Variants in PCDH15 observed in about 807,000 individuals in gnomAD.
The protein encoded by PCDH15 is protocadherin related 15.
PCDH15 carries 129 observed loss-of-function variants against 178.5 expected under a neutral mutation model. That is an observed-to-expected ratio of 0.72 (90% CI 0.63 to 0.84). The LOEUF (loss-of-function observed/expected upper bound fraction) is 0.84. PCDH15 is among the 40% of genes least tolerant of loss of function. The pLI, the probability that PCDH15 is intolerant of heterozygous loss-of-function variation, is 0.00. For missense variants in PCDH15, 2,230 were observed against 2,099.9 expected (o/e 1.06, Z -1.21); for synonymous variants, 800 against 732.0 (o/e 1.09, Z -1.50).
intron 2 of PCDH15, among the ~76,000 whole-genome samples, chr10:55,379,322 C>G (rs1452430473): frequency 6.6e-6 from 1 of 151,388 alleles, no homozygotes; most frequent in Admixed American, 6.6e-5. Flanking sequence ...TACTAACAGT[C>G]CAGGAGTGTA....
chr10:54,487,996 A>C (rs561434621), intron 3 of PCDH15, among the ~76,000 whole-genome samples: 1 of 151,938 alleles, frequency 6.6e-6, no homozygotes, highest in Non-Finnish European at 1.5e-5. Context: ...GACTAGTTTG[A>C]TAACCTGGGT....
intron 2 of PCDH15, among the ~76,000 whole-genome samples, chr10:54,631,886 C>T (rs1011872161): frequency 3.3e-5 from 5 of 151,962 alleles, no homozygotes; most frequent in African/African-American, 1.2e-4. Flanking sequence ...ACACACTTCG[C>T]GAGAACAGCA....
intron 26 of PCDH15, among the ~76,000 whole-genome samples, chr10:53,882,597 A>C (rs2080806706): frequency 6.6e-6 from 1 of 152,086 alleles, no homozygotes; most frequent in Non-Finnish European, 1.5e-5. Context: ...TCCTGACCTC[A>C]AGTGATCTGC....
chr10:55,344,822 G>A (rs991222698), intron 2 of PCDH15, among the ~76,000 whole-genome samples: 2 of 152,012 alleles, frequency 1.3e-5, no homozygotes, highest in African/African-American at 4.8e-5. Context: ...ACACAATCAA[G>A]GGAATTCATA....
intron 3 of PCDH15, among the ~76,000 whole-genome samples, chr10:54,384,553 C>A (rs1949693560): frequency 6.6e-6 from 1 of 151,976 alleles, no homozygotes; most frequent in African/African-American, 2.4e-5. Context: ...AGAAAAAAAT[C>A]CTCTTGGGTA....
chr10:53,876,232 G>A (rs892434850), intron 26 of PCDH15, among the ~76,000 whole-genome samples: 7 of 146,732 alleles, frequency 4.8e-5, no homozygotes, highest in African/African-American at 1.5e-4. Flanking sequence ...TCTGTCACCA[G>A]GATGGAGTGC....
chr10:55,176,213 A>G (rs146741207), intron 1 of PCDH15, among the ~76,000 whole-genome samples: 1 of 152,134 alleles, frequency 6.6e-6, no homozygotes. Context: ...TACGACCATG[A>G]GGGGTGTCTC....
intron 2 of PCDH15, among the ~76,000 whole-genome samples, chr10:54,587,207 C>T (rs2091534742): frequency 6.6e-6 from 1 of 152,176 alleles, no homozygotes; most frequent in South Asian, 2.1e-4. Context: ...TTATTCATCA[C>T]ATGCAGACAG....
chr10:55,325,494 G>A (rs1035581594), intron 2 of PCDH15, among the ~76,000 whole-genome samples: 3 of 152,046 alleles, frequency 2.0e-5, no homozygotes, highest in Admixed American at 6.6e-5. Context: ...ATTAGATAGC[G>A]CTAGGATAAC....
chr10:53,860,429 T>A (rs1039048148), intron 27 of PCDH15, among the ~76,000 whole-genome samples: 2 of 151,978 alleles, frequency 1.3e-5, no homozygotes, highest in African/African-American at 4.8e-5. Flanking sequence ...AAAGATAGGT[T>A]ACTTATTCAA....
chr10:54,757,348 T>G (rs1298167733), intron 1 of PCDH15, among the ~76,000 whole-genome samples: 1 of 29,036 alleles, frequency 3.4e-5, no homozygotes, highest in Non-Finnish European at 7.5e-5. Flanking sequence ...AGTGGCGCGA[T>G]CTCGACTCAC....
At chr10:54,193,344 A>T (rs2049224793) in intron 11 of PCDH15, among the ~76,000 whole-genome samples, 1 of 152,226 alleles carries the variant, frequency 6.6e-6, no homozygotes, top group South Asian at 2.1e-4. Context: ...GTATAAATAC[A>T]TAAATTTTGC....
At chr10:53,813,411 A>T (rs2132408908) in intron 35 of PCDH15, among the ~76,000 whole-genome samples, 1 of 152,326 alleles carries the variant, frequency 6.6e-6, no homozygotes, top group Non-Finnish European at 1.5e-5. Context: ...AAACTAGTAT[A>T]GTTTATTCAC....
chr10:55,511,906 C>A (rs1840893387), intron 2 of PCDH15, among the ~76,000 whole-genome samples: 1 of 151,942 alleles, frequency 6.6e-6, no homozygotes, highest in African/African-American at 2.4e-5. Flanking sequence ...CGATTGAAAT[C>A]CCTATTTCAG....
At chr10:55,032,165 T>C (rs1840627684) in intron 2 of PCDH15, among the ~76,000 whole-genome samples, 1 of 152,136 alleles carries the variant, frequency 6.6e-6, no homozygotes, top group Non-Finnish European at 1.5e-5. Context: ...GGTTGAAATA[T>C]GAACAATAAA....
At chr10:54,621,728 C>A (rs2093353478) in intron 2 of PCDH15, among the ~76,000 whole-genome samples, 1 of 151,976 alleles carries the variant, frequency 6.6e-6, no homozygotes, top group South Asian at 2.1e-4. Flanking sequence ...ACAATCTCAT[C>A]CTCCTTTAGC....
chr10:54,933,992 A>C (rs1237724372), intron 2 of PCDH15, among the ~76,000 whole-genome samples: 1 of 152,154 alleles, frequency 6.6e-6, no homozygotes, highest in Non-Finnish European at 1.5e-5. Flanking sequence ...CCTGAACATA[A>C]TGAATTAAGA....
chr10:54,068,898 T>C (rs968407869), intron 17 of PCDH15, among the ~76,000 whole-genome samples: 1 of 152,204 alleles, frequency 6.6e-6, no homozygotes, highest in African/African-American at 2.4e-5. Context: ...CACACAAACA[T>C]ACACATGTGT....
intron 8 of PCDH15, among the ~76,000 whole-genome samples, chr10:54,257,017 A>G (rs370079455): frequency 6.6e-6 from 1 of 151,900 alleles, no homozygotes; most frequent in East Asian, 1.9e-4. Flanking sequence ...TCATGCCTTC[A>G]TTCACTTTCT....
Sources: gnomAD v4.1 joint callset for allele counts (sites outside exome capture counted in the v4.1 genomes callset) on GRCh38, gnomAD v4.1.1 for gene constraint, MANE v1.5 for transcripts, NCBI Gene and HGNC (gene_info 2026-07-23, HGNC 2026-07-21) for gene names.